Variants in SHISA9 observed in about 807,000 individuals in gnomAD.
SHISA9 encodes shisa family member 9.
A neutral mutation model predicts 38.0 loss-of-function variants in SHISA9; 13 were observed. The observed-to-expected ratio is 0.34, with a 90% confidence interval of 0.22 to 0.54. SHISA9 has a LOEUF of 0.54. Among genes scored for constraint, SHISA9 ranks in the 20% least tolerant of loss-of-function variants. The probability of loss-of-function intolerance (pLI) is 0.91; values close to 1 mark genes in which losing one functional copy is unlikely to be tolerated. For synonymous variants in SHISA9, 275 were observed against 242.0 expected (o/e 1.14, Z -1.27); for missense variants, 538 against 575.8 (o/e 0.93, Z 0.67).
intron 2 of SHISA9, among the ~76,000 whole-genome samples, chr16:13,023,589 C>T (rs1163269831): frequency 2.0e-5 from 3 of 152,300 alleles, no homozygotes; most frequent in East Asian, 1.9e-4. Context: ...CCTGAGGAAT[C>T]GCCACACTGT....
chr16:13,180,094 C>T (rs944156305), intron 2 of SHISA9, among the ~76,000 whole-genome samples: 13 of 152,176 alleles, frequency 8.5e-5, no homozygotes, highest in Non-Finnish European at 1.6e-4. Flanking sequence ...TAGAACTCCA[C>T]GAAGCAGTCA....
the SHISA9 span, among the ~76,000 whole-genome samples, chr16:13,553,473 C>G: frequency 1.3e-5 from 2 of 152,126 alleles, no homozygotes; most frequent in Non-Finnish European, 2.9e-5. Flanking sequence ...AGAGGCCCAC[C>G]TAGCAAAAAG....
At chr16:12,938,783 G>A (rs746734255) in intron 2 of SHISA9, among the ~76,000 whole-genome samples, 24 of 152,060 alleles carry the variant, frequency 1.6e-4, no homozygotes, top group Non-Finnish European at 1.8e-4. Flanking sequence ...AATTACAGGC[G>A]TGAGCCATTC....
chr16:13,035,230 G>T (rs1162263943), intron 2 of SHISA9, among the ~76,000 whole-genome samples: 2 of 152,160 alleles, frequency 1.3e-5, no homozygotes, highest in Non-Finnish European at 2.9e-5. Flanking sequence ...CATTGCTGTG[G>T]TCTTCCTGAT....
the SHISA9 span, among the ~76,000 whole-genome samples, chr16:13,475,892 T>G: frequency 3.0e-3 from 452 of 152,196 alleles, 1 homozygote; most frequent in Non-Finnish European, 4.9e-3. Context: ...GGGTTCGTGC[T>G]CCTATGAGAA....
At chr16:13,291,102 G>T in the SHISA9 span, among the ~76,000 whole-genome samples, 1 of 152,096 alleles carries the variant, frequency 6.6e-6, no homozygotes, top group Non-Finnish European at 1.5e-5. Context: ...GCTGTGTGGG[G>T]TACTTTGCTT....
At chr16:13,281,113 T>C in the SHISA9 span, among the ~76,000 whole-genome samples, 1 of 151,834 alleles carries the variant, frequency 6.6e-6, no homozygotes, top group Non-Finnish European at 1.5e-5. Flanking sequence ...TTTTTAAAAA[T>C]ATCTATGAGC....
chr16:13,234,125 G>C (rs1256191520), intron 4 of SHISA9, among the ~76,000 whole-genome samples: 1 of 152,140 alleles, frequency 6.6e-6, no homozygotes, highest in Non-Finnish European at 1.5e-5. Context: ...ATTTGTAATA[G>C]CAAAATATTG....
intron 4 of SHISA9, among the ~76,000 whole-genome samples, chr16:13,230,844 C>G (rs1177553134): frequency 6.6e-6 from 1 of 152,036 alleles, no homozygotes; most frequent in African/African-American, 2.4e-5. Flanking sequence ...CCTTTTTCGA[C>G]CATATAGGGT....
intron 2 of SHISA9, among the ~76,000 whole-genome samples, chr16:13,000,671 G>A (rs1032683942): frequency 2.0e-4 from 31 of 152,154 alleles, no homozygotes; most frequent in African/African-American, 7.5e-4. Flanking sequence ...GACAGTGTCT[G>A]CTAGGAGGGC....
chr16:13,233,302 G>C (rs866490507), intron 4 of SHISA9, among the ~76,000 whole-genome samples: 4 of 147,978 alleles, frequency 2.7e-5, no homozygotes, highest in Admixed American at 1.4e-4. Context: ...GAGGAAGAGA[G>C]AGAGGAAGAA....
the SHISA9 span, among the ~76,000 whole-genome samples, chr16:13,499,690 C>T: frequency 6.6e-6 from 1 of 152,078 alleles, no homozygotes; most frequent in Non-Finnish European, 1.5e-5. Flanking sequence ...TACTGTTTGT[C>T]CTCTGCACAT....
chr16:13,517,376 T>C, the SHISA9 span, among the ~76,000 whole-genome samples: 1 of 152,228 alleles, frequency 6.6e-6, no homozygotes, highest in African/African-American at 2.4e-5. Flanking sequence ...TTTGTGGTGA[T>C]TTCTGGTGGC....
At chr16:13,379,680 C>T in the SHISA9 span, among the ~76,000 whole-genome samples, 3 of 152,198 alleles carry the variant, frequency 2.0e-5, no homozygotes, top group Non-Finnish European at 2.9e-5. Flanking sequence ...CATGGTATTT[C>T]GAATTCCTCC....
At chr16:13,308,778 C>G in the SHISA9 span, among the ~76,000 whole-genome samples, 1 of 152,162 alleles carries the variant, frequency 6.6e-6, no homozygotes, top group South Asian at 2.1e-4. Flanking sequence ...AATCCCACCA[C>G]CATCCTCTTA....
chr16:13,329,622 G>C, the SHISA9 span, among the ~76,000 whole-genome samples: 3 of 152,094 alleles, frequency 2.0e-5, no homozygotes, highest in Non-Finnish European at 4.4e-5. Context: ...TCCTTCCCAG[G>C]CCTGTGAGTT....
the SHISA9 span, among the ~76,000 whole-genome samples, chr16:13,494,063 G>T: frequency 6.6e-6 from 1 of 152,204 alleles, no homozygotes; most frequent in Non-Finnish European, 1.5e-5. Context: ...GATGCAAGAT[G>T]TGAGAACTGA....
chr16:13,012,293 G>C (rs536553467), intron 2 of SHISA9, among the ~76,000 whole-genome samples: 2 of 152,174 alleles, frequency 1.3e-5, no homozygotes, highest in African/African-American at 2.4e-5. Flanking sequence ...GGCTACCTTA[G>C]GTGTTCAAGT....
intron 2 of SHISA9, among the ~76,000 whole-genome samples, chr16:13,143,315 T>TTTATTCTAA (rs567836899): frequency 1.9e-4 from 29 of 152,218 alleles, no homozygotes; most frequent in Non-Finnish European, 3.8e-4. Flanking sequence ...CAGCCTCTCC[T>TTTATTCTAA]TTATTCTAAT....
Sources: gnomAD v4.1 joint callset for allele counts (sites outside exome capture counted in the v4.1 genomes callset) on GRCh38, gnomAD v4.1.1 for gene constraint, MANE v1.5 for transcripts, NCBI Gene and HGNC (gene_info 2026-07-23, HGNC 2026-07-21) for gene names.